The following NPIPB15 variants were observed in gnomAD, a reference collection of about 807,000 sequenced individuals.
The protein encoded by NPIPB15 is nuclear pore complex interacting protein family member B15.
In NPIPB15, 5 loss-of-function variants were observed where a neutral mutation model predicts 35.9. The observed-to-expected ratio is 0.14, with a 90% CI of 0.07 to 0.29. NPIPB15 has a LOEUF of 0.29. NPIPB15 is among the 10% of genes least tolerant of loss of function. The pLI, the probability that NPIPB15 is intolerant of heterozygous loss-of-function variation, is 1.00. For synonymous variants in NPIPB15, 43 were observed against 182.0 expected, an observed-to-expected ratio of 0.24 and a Z score of 6.15; for missense variants, 100 against 506.1, an observed-to-expected ratio of 0.20 and a Z score of 7.70.
intron 3 of NPIPB15, 79 bp downstream of exon 3, chr16:74,381,777 G>T: frequency 7.3e-7 from 1 of 1,373,724 alleles, no homozygotes; most frequent in Non-Finnish European, 9.7e-7. Flanking sequence ...TCACGTTTCT[G>T]GACTTCATTA....
In NPIPB15 at chr16:74,376,756, C is replaced by A; in HGVS notation, c.-613C>A. ...AACCTTGTGCCACAAAGAGGAATTC[C>A]CAGGCCAGGGGGAGACATTTTATTG... On this transcript the variant is annotated 5_prime_UTR_variant, in exon 1 of 8. Transcript: ENST00000692376. Among the ~76,000 whole-genome samples, 1 of 151,092 alleles carries A rather than the reference C, an allele frequency of 6.6e-6. No individual in the cohort carries two copies. The highest frequency in any genetic ancestry group is 1.5e-5 in the Non-Finnish European group (1 of 67,806).
intron 2 of NPIPB15, among the ~76,000 whole-genome samples, chr16:74,380,541 T>G (rs1346191388): frequency 6.7e-6 from 1 of 150,284 alleles, no homozygotes; most frequent in Non-Finnish European, 1.5e-5. Flanking sequence ...TAGGAGATTT[T>G]GGCCAGGTAC....
chr16:74,384,775 G>C (rs2012175920), intron 3 of NPIPB15, among the ~76,000 whole-genome samples: 1 of 143,888 alleles, frequency 6.9e-6, no homozygotes, highest in South Asian at 2.2e-4. Context: ...TTTTCCTGCT[G>C]GGTTCAAGTG....
chr16:74,379,560 C>A (rs1437333632), intron 2 of NPIPB15, among the ~76,000 whole-genome samples: 13 of 150,048 alleles, frequency 8.7e-5, no homozygotes, highest in South Asian at 8.4e-4. Flanking sequence ...CTATTCATGC[C>A]ATTTTCATGA....
intron 2 of NPIPB15, 27 bp from the exon 3 acceptor site, chr16:74,381,489 T>A (rs1307530985): frequency 1.3e-6 from 2 of 1,578,502 alleles, no homozygotes; most frequent in African/African-American, 1.4e-5. Context: ...ATTGACCTTT[T>A]CATTCTTTCA....
rs1186582416 is a variant in NPIPB15, at chr16:74,384,668, A to ATTTTTTTTTT, written c.250-654_250-645dup. 6.5e-5 allele frequency among the ~76,000 whole-genome samples: 4 copies of ATTTTTTTTTT among 61,552 alleles called. 1 individual carries two copies. The highest frequency in any genetic ancestry group is 1.2e-4 in the Non-Finnish European group (4 of 33,518). The allele number at this position is 61,552 out of a possible 152,430, so 40.4% of individuals were successfully genotyped here. A position where few individuals can be genotyped will look rare whatever the true frequency, so the allele number is the denominator to read the frequency against. On this transcript the variant is annotated intron_variant, in intron 3 of 7. Transcript: ENST00000692376. ...AGGCGTGAGCTACCGCACCTGGCCT[A>ATTTTTTTTTT]TTTTTTTTTTTTTTTTTTTTTTTTT...
Position 74,391,654 on chromosome 16 carries a change from C to T in NPIPB15, c.906C>T (p.Leu302=). Residue 302 remains leucine, a synonymous_variant, in exon 8 of 8, where the codon CTC becomes CTT. Coordinates refer to ENST00000692376, the MANE Select transcript of NPIPB15 (RefSeq NM_001306094.2). ...PSVDDNLKEY[L]LVPLPPSPLP... The stretch of plus-strand genomic sequence containing the variant: ...TGGATGATAATCTGAAGGAGTATCT[C>T]CTGGTCCCTCTTCCACCCTCTCCTC... 6.3e-7 allele frequency: 1 copy of T among 1,598,044 alleles called. No homozygotes were observed.
chr16:74,378,512 C>T (rs372972796), intron 2 of NPIPB15, among the ~76,000 whole-genome samples: 50 of 143,808 alleles, frequency 3.5e-4, no homozygotes, highest in South Asian at 2.5e-3. Context: ...CTGCAACCTC[C>T]GCTTCCGGGG....
At chr16:74,386,564 T>C (rs1420314903) in intron 5 of NPIPB15, among the ~76,000 whole-genome samples, 1 of 137,564 alleles carries the variant, frequency 7.3e-6, no homozygotes, top group Non-Finnish European at 1.5e-5. Context: ...GTTCAAGCGA[T>C]TCTTATCCCT....
At chr16:74,379,142 T>G (rs2011845678) in intron 2 of NPIPB15, among the ~76,000 whole-genome samples, 1 of 152,284 alleles carries the variant, frequency 6.6e-6, no homozygotes, top group African/African-American at 2.4e-5. Flanking sequence ...GAACTCCCAC[T>G]CTTCCCAGCC....
intron 2 of NPIPB15, among the ~76,000 whole-genome samples, chr16:74,379,807 C>G: frequency 6.6e-6 from 1 of 151,836 alleles, no homozygotes; most frequent in Non-Finnish European, 1.5e-5. Context: ...CTAGGATGGT[C>G]TCAATCTCCT....
intron 5 of NPIPB15, among the ~76,000 whole-genome samples, chr16:74,389,290 A>T: frequency 6.6e-6 from 1 of 150,882 alleles, no homozygotes; most frequent in Admixed American, 6.8e-5. Flanking sequence ...GAAGGAAACT[A>T]TCATCTCAGA....
intron 5 of NPIPB15, among the ~76,000 whole-genome samples, chr16:74,386,282 G>C (rs1164071595): frequency 9.2e-6 from 1 of 108,204 alleles, no homozygotes; most frequent in Non-Finnish European, 1.8e-5. Flanking sequence ...ACCACACCCA[G>C]CCTTTTTTTT....
chr16:74,386,367 C>G (rs1417356245), intron 5 of NPIPB15, among the ~76,000 whole-genome samples: 2 of 137,600 alleles, frequency 1.5e-5, no homozygotes, highest in African/African-American at 5.5e-5. Context: ...AATCTTGGCT[C>G]ACTGCAACCT....
rs1290973885 is a variant in NPIPB15 at position 74,379,823 on chromosome 16, C to T, written c.67-1693C>T. Reference sequence around the variant, plus strand: ...TAGGATGGTCTCAATCTCCTGATCTCGTGGTCCACCCACCTCGGCTTCCCA... The same window carrying T: ...TAGGATGGTCTCAATCTCCTGATCTTGTGGTCCACCCACCTCGGCTTCCCA... On this transcript the variant is annotated intron_variant, in intron 2 of 7. Transcript: ENST00000692376. Among the ~76,000 whole-genome samples the T allele has an allele frequency of 8.6e-5, 13 of 152,028 alleles. No homozygotes were observed. In the South Asian group the frequency reaches 1.0e-3, roughly 12 times the overall value.
In NPIPB15 at chr16:74,388,487, G is replaced by A. The variant is rs1293320274; in HGVS notation, c.546-1338G>A. ...ACTAACTATGGAACTATGAAGATGAGCTGGAAATGACAGGTGACTTGCCAG... is the reference window on the plus strand; with the variant it reads ...ACTAACTATGGAACTATGAAGATGAACTGGAAATGACAGGTGACTTGCCAG... On this transcript the variant is annotated intron_variant, in intron 5 of 7. Transcript: ENST00000692376. The A allele has an allele frequency of 3.3e-6, 3 of 916,162 alleles. No homozygotes were observed. The African/African-American group carries it at 5.8e-5, about 18-fold the overall frequency. The allele number at this position is 916,162 out of a possible 1,614,324, so 56.8% of individuals were successfully genotyped here.
intron 2 of NPIPB15, 32 bp from the exon 3 acceptor site, chr16:74,381,484 C>G: frequency 6.3e-7 from 1 of 1,576,162 alleles, no homozygotes. Flanking sequence ...GTGTCATTGA[C>G]CTTTTCATTC....
chr16:74,379,034 A>G (rs1222068325), intron 2 of NPIPB15, among the ~76,000 whole-genome samples: 37 of 152,132 alleles, frequency 2.4e-4, no homozygotes, highest in African/African-American at 8.2e-4. Context: ...TCCCGACCTC[A>G]GGTGATCCGC....
rs1233013991 is a variant in NPIPB15, at chr16:74,377,117, C to T, written c.-252C>T. Among the ~76,000 whole-genome samples, 2 of 137,558 alleles carry T rather than the reference C, an allele frequency of 1.5e-5. No individual in the cohort carries two copies. Among genetic ancestry groups the T allele is most frequent in the African/African-American group, 5.5e-5 (2 of 36,414 alleles). 90.2% of individuals were successfully genotyped at this position (137,558 alleles called of 152,430 possible). A position where few individuals can be genotyped will look rare whatever the true frequency, so the allele number is the denominator to read the frequency against. On this transcript the variant is annotated 5_prime_UTR_variant, in exon 1 of 8. Coordinates refer to ENST00000692376, the MANE Select transcript of NPIPB15 (RefSeq NM_001306094.2). ...GGATGTGATGGAGATGGTTTACTAT[C>T]GGGACCTTCCGCATCCTGCTGATGT...
Sources: allele counts gnomAD v4.1 joint callset (sites outside exome capture counted in the v4.1 genomes callset), GRCh38; gene constraint gnomAD v4.1.1; transcripts MANE v1.5; gene names NCBI Gene and HGNC (gene_info 2026-07-23, HGNC 2026-07-21).